The following BAG3 variants were observed in gnomAD, a reference collection of about 807,000 sequenced individuals.
The protein encoded by BAG3 is BAG cochaperone 3, also known as BAG family molecular chaperone regulator 3.
A neutral mutation model predicts 40.5 loss-of-function variants in BAG3; 14 were observed. The observed-to-expected ratio is 0.35, with a 90% CI of 0.23 to 0.54. The LOEUF (loss-of-function observed/expected upper bound fraction) is 0.54. Ranked by LOEUF, BAG3 falls within the 20% of genes least tolerant of loss-of-function variation. The probability of loss-of-function intolerance (pLI) is 0.91; values close to 1 mark genes in which losing one functional copy is unlikely to be tolerated. For synonymous variants in BAG3, 302 were observed against 307.8 expected (o/e 0.98, Z 0.20); for missense variants, 788 against 758.6 (o/e 1.04, Z -0.46).
At position 119,672,294 on chromosome 10, in the gene BAG3, T is replaced by C. The variant is rs772491154; in HGVS notation, c.547T>C (p.Ser183Pro). 1 of 1,613,808 alleles carries C rather than the reference T, an allele frequency of 6.2e-7. No homozygotes were observed. Among genetic ancestry groups the C allele is most frequent in the African/African-American group, 1.3e-5 (1 of 74,998 alleles). The change falls in exon 3 of 4, where the codon TCC becomes CCC. Residue 183 changes from serine to proline, a missense_variant. Ser to Pro is a moderately conservative substitution (Grantham distance 74). Transcript: ENST00000369085. The surrounding 1 kb of genome is among the most constrained non-coding windows in gnomAD (Gnocchi z 4.8). ...AGCTGCCTCTGACTGCTCATCCTCA[T>C]CCTCCTCGGCCAGCCTGCCTTCCTC... ...SPAASDCSSSSSSASLPSSGR... is the reference protein window; with the variant it reads ...SPAASDCSSSPSSASLPSSGR...
chr10:119,675,788 TTC>T (rs1287673196), intron 3 of BAG3, among the ~76,000 whole-genome samples: 5 of 9,576 alleles, frequency 5.2e-4, no homozygotes, highest in African/African-American at 1.8e-3. Context: ...TCCCCCTCCC[TTC>T]CCCCCTTCCC....
chr10:119,672,616 C>A lies in BAG3; in HGVS notation c.869C>A (p.Pro290His), dbSNP rs1482352311. 6.2e-7 allele frequency: 1 copy of A among 1,613,986 alleles called. No individual in the cohort carries two copies. The highest frequency in any genetic ancestry group is 1.3e-5 in the African/African-American group (1 of 74,920). Residue 290 changes from proline to histidine, a missense_variant, in exon 3 of 4, where the codon CCC becomes CAC. Transcript: ENST00000369085. The surrounding 1 kb of genome is among the most constrained non-coding windows in gnomAD (Gnocchi z 4.8). ...PARSSTPLHSPSPIRVHTVVD... is the reference protein window; with the variant it reads ...PARSSTPLHSHSPIRVHTVVD... ...AGGAGCAGCACGCCACTCCACTCCC[C>A]CTCGCCCATCCGTGTGCACACCGTG...
chr10:119,653,339 C>T (rs1481991505), intron 1 of BAG3, among the ~76,000 whole-genome samples: 3 of 152,160 alleles, frequency 2.0e-5, no homozygotes, highest in South Asian at 2.1e-4. Context: ...TAGGAGTCTG[C>T]GTGGATGTAC....
chr10:119,651,482 A>G lies in BAG3; in HGVS notation c.-194A>G. 6.6e-6 allele frequency: 3 copies of G among 455,032 alleles called. No individual in the cohort carries two copies. Among genetic ancestry groups the G allele is most frequent in the Non-Finnish European group, 1.1e-5 (3 of 267,202 alleles). 28.2% of individuals were successfully genotyped at this position (455,032 alleles called of 1,614,324 possible). A position where few individuals can be genotyped will look rare whatever the true frequency, so the allele number is the denominator to read the frequency against. On this transcript the variant is annotated 5_prime_UTR_variant, in exon 1 of 4. Coordinates refer to ENST00000369085, the MANE Select transcript of BAG3 (RefSeq NM_004281.4). The stretch of plus-strand genomic sequence containing the variant: ...ATCTCCTCCTTCCCCTCTGGCAGCG[A>G]GGAGGCTATTTCCAGACACTTCCAC...
intron 1 of BAG3, among the ~76,000 whole-genome samples, chr10:119,669,559 C>T (rs1040981132): frequency 2.0e-5 from 3 of 152,224 alleles, no homozygotes; most frequent in African/African-American, 4.8e-5. Flanking sequence ...CCGCTTCCCT[C>T]AGTCACCCAG....
intron 1 of BAG3, among the ~76,000 whole-genome samples, chr10:119,668,053 T>G (rs561090536): frequency 7.2e-5 from 11 of 152,326 alleles, no homozygotes; most frequent in Admixed American, 3.3e-4. Flanking sequence ...CTCCTGCTCT[T>G]GGGTGACCTG....
At chr10:119,676,157 T>G (rs1490015602) in intron 3 of BAG3, among the ~76,000 whole-genome samples, 1 of 151,604 alleles carries the variant, frequency 6.6e-6, no homozygotes, top group Non-Finnish European at 1.5e-5. Flanking sequence ...TTTTCATTTT[T>G]GAAAATTTTA....
chr10:119,677,625 T>TC lies in BAG3; in HGVS notation c.*343_*344insC. 1 of 351,430 alleles carries TC rather than the reference T, an allele frequency of 2.8e-6. No individual in the cohort carries two copies. Among genetic ancestry groups the TC allele is most frequent in the Admixed American group, 4.2e-5 (1 of 23,996 alleles). 21.8% of individuals were successfully genotyped at this position (351,430 alleles called of 1,614,324 possible). ...ACTGGAGGGGTAGATGGGGAGTCAATTACCCATCACATAAATATGAAACAT... is the reference window on the plus strand; with the variant it reads ...ACTGGAGGGGTAGATGGGGAGTCAATCTACCCATCACATAAATATGAAACAT... On this transcript the variant is annotated 3_prime_UTR_variant, in exon 4 of 4. Transcript: ENST00000369085.
chr10:119,665,017 A>C (rs1214980604), intron 1 of BAG3, among the ~76,000 whole-genome samples: 3 of 151,286 alleles, frequency 2.0e-5, no homozygotes, highest in Non-Finnish European at 2.9e-5. Flanking sequence ...CTCCAGCTTC[A>C]AGCGATTCTC....
chr10:119,654,751 CT>C (rs1846889002), intron 1 of BAG3, among the ~76,000 whole-genome samples: 1 of 152,244 alleles, frequency 6.6e-6, no homozygotes, highest in Admixed American at 6.5e-5. Flanking sequence ...GCATTCAGTG[CT>C]GGTGCAGCCA....
intron 1 of BAG3, among the ~76,000 whole-genome samples, chr10:119,666,070 C>A (rs1173498537): frequency 6.6e-6 from 1 of 152,188 alleles, no homozygotes; most frequent in Non-Finnish European, 1.5e-5. Flanking sequence ...CCCCTTCCCC[C>A]CACATGCCTC....
At chr10:119,675,837 T>TCC (rs1554877628) in intron 3 of BAG3, among the ~76,000 whole-genome samples, 1 of 35,928 alleles carries the variant, frequency 2.8e-5, no homozygotes, top group Non-Finnish European at 5.5e-5. Context: ...CCTTCCCCCT[T>TCC]CCCTCCTTCC....
At position 119,669,861 on chromosome 10, in the gene BAG3, C is replaced by A; in HGVS notation, c.191C>A (p.Ser64Tyr). The change falls in exon 2 of 4, where the codon TCC (serine) becomes TAC (tyrosine). Residue 64 changes from serine to tyrosine, a missense_variant. By Grantham distance (144) the Ser-to-Tyr change is moderately radical. Transcript: ENST00000369085. ...VPSEGPKETP[S>Y]SANGPSREGS... ...CACTTTTTATTTCAGGAGACTCCATCCTCTGCCAATGGCCCTTCCCGGGAG... is the reference window on the plus strand; with the variant it reads ...CACTTTTTATTTCAGGAGACTCCATACTCTGCCAATGGCCCTTCCCGGGAG... 1 of 1,614,182 alleles carries A rather than the reference C, an allele frequency of 6.2e-7. No individual in the cohort carries two copies. The highest frequency in any genetic ancestry group is 8.5e-7 in the Non-Finnish European group (1 of 1,180,026).
rs1299147536 is a variant in BAG3 at position 119,669,956 on chromosome 10, A to C, written c.286A>C (p.Ile96Leu). ...CCAGCTCCGACCAGGCTACATTCCC[A>C]TTCCTGTGCTCCATGAAGGCGCTGA... ...YPQLRPGYIP[I>L]PVLHEGAENR... Residue 96 changes from isoleucine (I) to leucine (L), a missense_variant, in exon 2 of 4, where the codon ATT (isoleucine) becomes CTT (leucine). Ile to Leu is a conservative substitution (Grantham distance 5). Transcript: ENST00000369085. The C allele has an allele frequency of 6.2e-7, 1 of 1,614,148 alleles. No homozygotes were observed. The highest frequency in any genetic ancestry group is 1.7e-5 in the Admixed American group (1 of 60,020).
At chr10:119,663,823 C>T (rs977935344) in intron 1 of BAG3, among the ~76,000 whole-genome samples, 1 of 152,170 alleles carries the variant, frequency 6.6e-6, no homozygotes, top group Non-Finnish European at 1.5e-5. Flanking sequence ...TTTCCATCAT[C>T]GTTTTTCTCA....
rs1779416562 is a variant in BAG3, at chr10:119,677,717, A to T, written c.*435A>T. 1 of 215,180 alleles carries T rather than the reference A, an allele frequency of 4.6e-6. No individual in the cohort carries two copies. The highest frequency in any genetic ancestry group is 2.3e-5 in the African/African-American group (1 of 44,208). 13.3% of individuals were successfully genotyped at this position (215,180 alleles called of 1,614,324 possible). A position where few individuals can be genotyped will look rare whatever the true frequency, so the allele number is the denominator to read the frequency against. ...TCTCATAATTAAAATACCTGACTTT[A>T]GAGAGAGTAAAATGTGCCAGGAGCC... is the stretch of plus-strand genomic sequence containing the variant. On this transcript the variant is annotated 3_prime_UTR_variant, in exon 4 of 4. Coordinates refer to ENST00000369085, the MANE Select transcript of BAG3 (RefSeq NM_004281.4).
intron 1 of BAG3, among the ~76,000 whole-genome samples, chr10:119,663,188 C>T (rs1847016161): frequency 6.6e-6 from 1 of 152,236 alleles, no homozygotes; most frequent in African/African-American, 2.4e-5. Flanking sequence ...GCGTACGCCT[C>T]TCTAGGCAGA....
At chr10:119,676,109 G>A (rs977623537) in intron 3 of BAG3, among the ~76,000 whole-genome samples, 1 of 150,588 alleles carries the variant, frequency 6.6e-6, no homozygotes, top group African/African-American at 2.4e-5. Context: ...AAGATTTTTT[G>A]TAGGGTTGGG....
At chr10:119,669,791 G>T (rs1370184763) in intron 1 of BAG3, 60 bp from the exon 2 acceptor site, 2 of 1,523,100 alleles carry the variant, frequency 1.3e-6, no homozygotes, top group Non-Finnish European at 1.8e-6. Flanking sequence ...TGTTTCCTCT[G>T]CCAGGAGGGT....
Sources: allele counts gnomAD v4.1 joint callset (sites outside exome capture counted in the v4.1 genomes callset), GRCh38; gene constraint gnomAD v4.1.1; non-coding constraint Gnocchi (gnomAD v3.1); transcripts MANE v1.5; gene names NCBI Gene and HGNC (gene_info 2026-07-23, HGNC 2026-07-21).